The following ZNF560 variants were observed in gnomAD, a reference collection of about 807,000 sequenced individuals.
ZNF560 encodes the protein zinc finger protein 560.
A neutral mutation model predicts 81.8 loss-of-function variants in ZNF560; 54 were observed. The ratio of observed to expected loss-of-function variants is 0.66; its 90% CI spans 0.53 to 0.83. The LOEUF (loss-of-function observed/expected upper bound fraction) is 0.83, where lower values mean the gene tolerates loss of function less well. Among genes scored for constraint, ZNF560 ranks in the 40% least tolerant of loss-of-function variants. The pLI is 0.00. For synonymous variants in ZNF560, 321 were observed against 317.9 expected (o/e 1.01, Z -0.10); for missense variants, 940 against 932.4 (o/e 1.01, Z -0.11).
intron 9 of ZNF560, among the ~76,000 whole-genome samples, chr19:9,468,742 T>C (rs2144687230): frequency 6.6e-6 from 1 of 151,474 alleles, no homozygotes; most frequent in South Asian, 2.1e-4. Context: ...TTTTTTTTTT[T>C]TTTGAGATGG....
intron 2 of ZNF560, among the ~76,000 whole-genome samples, chr19:9,482,263 A>G (rs1478087429): frequency 1.3e-5 from 2 of 150,082 alleles, no homozygotes; most frequent in African/African-American, 4.9e-5. Context: ...ATCACACACC[A>G]GGGCCTGTTG....
rs908511753 is a variant in ZNF560, at chr19:9,468,968, T to C, written c.612+137A>G. 8 of 638,818 alleles carry C rather than the reference T, an allele frequency of 1.3e-5. No homozygotes were observed. The Admixed American group carries it at 2.4e-4, about 19-fold the overall frequency. The allele number at this position is 638,818 out of a possible 1,614,324, so 39.6% of individuals were successfully genotyped here. A position where few individuals can be genotyped will look rare whatever the true frequency, so the allele number is the denominator to read the frequency against. ...TGGTCTCGAACTCCTGACCTCATGA[T>C]CCGCCTGCCTCAGCCTCCCAAAGTG... On this transcript the variant is annotated intron_variant, in intron 9 of 9. Coordinates refer to ENST00000301480, the MANE Select transcript of ZNF560 (RefSeq NM_152476.3).
rs373668830 is a variant in ZNF560, at chr19:9,468,954, T to C, written c.612+151A>G. 125 of 597,538 alleles carry C rather than the reference T, an allele frequency of 2.1e-4. No individual in the cohort carries two copies. The East Asian group carries it at 3.0e-3, about 14-fold the overall frequency. 37.0% of individuals were successfully genotyped at this position (597,538 alleles called of 1,614,324 possible). A position where few individuals can be genotyped will look rare whatever the true frequency, so the allele number is the denominator to read the frequency against. On this transcript the variant is annotated intron_variant, in intron 9 of 9. Transcript: ENST00000301480. Reference sequence around the variant, plus strand: ...CATATTGGCCAGGCTGGTCTCGAACTCCTGACCTCATGATCCGCCTGCCTC... The same window carrying C: ...CATATTGGCCAGGCTGGTCTCGAACCCCTGACCTCATGATCCGCCTGCCTC...
downstream of ZNF560, among the ~76,000 whole-genome samples, chr19:9,465,495 G>A (rs1218783681): frequency 6.6e-6 from 1 of 152,146 alleles, no homozygotes; most frequent in African/African-American, 2.4e-5. Flanking sequence ...ACAGTGTATT[G>A]TCAGCAGATT....
chr19:9,476,950 A>C (rs1388631732), intron 2 of ZNF560, among the ~76,000 whole-genome samples: 1 of 152,164 alleles, frequency 6.6e-6, no homozygotes, highest in Non-Finnish European at 1.5e-5. Context: ...GTAGCTTATA[A>C]ATCTAAGTGG....
Position 9,467,823 on chromosome 19 carries a change from G to A in ZNF560, c.1124C>T (p.Pro375Leu), listed in dbSNP as rs776077331. Residue 375 changes from proline to leucine, a missense_variant, in exon 10 of 10, where the codon CCT (proline) becomes CTT (leucine). By Grantham distance (98) the Pro-to-Leu change is moderately conservative. Coordinates refer to ENST00000301480, the MANE Select transcript of ZNF560 (RefSeq NM_152476.3). ...NHMQTHIGIK[P>L]YKCKHCGKTF... ...TTTGCCACAGTGCTTACATTTATAA[G>A]GTTTTATCCCAATGTGGGTTTGCAT... The A allele has an allele frequency of 1.2e-6, 2 of 1,614,168 alleles. No individual in the cohort carries two copies.
chr19:9,462,079 G>A (rs140218955), downstream of ZNF560, among the ~76,000 whole-genome samples: 4 of 152,314 alleles, frequency 2.6e-5, no homozygotes, highest in East Asian at 1.9e-4. Flanking sequence ...TGATAAAGCC[G>A]CCTTTGCTTT....
At chr19:9,478,887 A>C (rs1162225524) in intron 2 of ZNF560, among the ~76,000 whole-genome samples, 1 of 152,194 alleles carries the variant, frequency 6.6e-6, no homozygotes, top group African/African-American at 2.4e-5. Context: ...TTAACGAGCC[A>C]GGTGCAGTGC....
chr19:9,488,735 C>A (rs1458015037), intron 2 of ZNF560, among the ~76,000 whole-genome samples: 1 of 152,128 alleles, frequency 6.6e-6, no homozygotes, highest in Non-Finnish European at 1.5e-5. Flanking sequence ...GGCCCAAATT[C>A]ATTGATATGG....
chr19:9,455,629 C>G, the ZNF560 span, among the ~76,000 whole-genome samples: 1 of 152,166 alleles, frequency 6.6e-6, no homozygotes, highest in African/African-American at 2.4e-5. Context: ...GATTTTATAG[C>G]TTGGTTACAG....
chr19:9,449,850 TC>T, the ZNF560 span, among the ~76,000 whole-genome samples: 2 of 151,898 alleles, frequency 1.3e-5, no homozygotes, highest in African/African-American at 2.4e-5. Flanking sequence ...GTGCCTGTAA[TC>T]CCAGTTACTT....
chr19:9,483,033 C>A lies in ZNF560; in HGVS notation c.-56-7664G>T, dbSNP rs192979710. Among the ~76,000 whole-genome samples the A allele has an allele frequency of 6.2e-3, 940 of 152,252 alleles. 30 individuals are homozygous for A. The highest frequency in any genetic ancestry group is 0.047 in the Admixed American group (713 of 15,286). ...CGCTACAACCTCCACCTCCCAGCCG[C>A]CTGCCTTGGCCTCCCAAAGTGCCGA... On this transcript the variant is annotated intron_variant, in intron 2 of 9. Transcript: ENST00000301480.
intron 5 of ZNF560, among the ~76,000 whole-genome samples, chr19:9,472,804 C>T (rs2073142972): frequency 6.6e-6 from 1 of 152,108 alleles, no homozygotes; most frequent in African/African-American, 2.4e-5. Context: ...GAAACAATAT[C>T]CCTGAGACCT....
the ZNF560 span, among the ~76,000 whole-genome samples, chr19:9,503,801 G>T: frequency 6.6e-6 from 1 of 152,140 alleles, no homozygotes; most frequent in South Asian, 2.1e-4. Flanking sequence ...GCCTCCCAAC[G>T]TGCTAGAATT....
In ZNF560 at chr19:9,469,620, A is replaced by C. The variant is rs759302712; in HGVS notation, c.529+10T>G. 2.5e-6 allele frequency: 4 copies of C among 1,613,508 alleles called. No homozygotes were observed. In the South Asian group the frequency reaches 4.4e-5, roughly 18 times the overall value. On this transcript the variant is annotated intron_variant, in intron 8 of 9. Transcript: ENST00000301480. ...CTCATGGACCAGGGTTGTTCTTCAC[A>C]AACACTCACCTTGGAGAACTCTTGG...
downstream of ZNF560, among the ~76,000 whole-genome samples, chr19:9,461,985 G>C (rs185802569): frequency 7.2e-5 from 11 of 152,340 alleles, no homozygotes; most frequent in Admixed American, 7.2e-4. Context: ...TGATTTCTAT[G>C]ATGGTTGTGC....
rs2144696068 is a variant in ZNF560, at chr19:9,474,413, TA to T, written c.31-89del. On this transcript the variant is annotated intron_variant, in intron 3 of 9. Transcript: ENST00000301480. ...ATCAGTTAACAGACCCCAATGCCTA[TA>T]AAGAGTTGTGAGGTCTCTCATTATC... The T allele has an allele frequency of 4.1e-6, 6 of 1,454,698 alleles. No individual in the cohort carries two copies. In the South Asian group the frequency reaches 6.7e-5, roughly 16 times the overall value. 90.1% of individuals were successfully genotyped at this position (1,454,698 alleles called of 1,614,324 possible).
At chr19:9,468,537 C>T (rs1214816951) in intron 9 of ZNF560, among the ~76,000 whole-genome samples, 2 of 152,082 alleles carry the variant, frequency 1.3e-5, no homozygotes, top group African/African-American at 4.8e-5. Context: ...TGGCAAGATT[C>T]CTGTAGCTTT....
At chr19:9,468,435 T>C (rs1288160147) in intron 9 of ZNF560, 101 bp from the exon 10 acceptor site, 1 of 869,662 alleles carries the variant, frequency 1.1e-6, no homozygotes, top group African/African-American at 1.7e-5. Context: ...TTGCCACTTT[T>C]ATAACATGCA....
Sources: gnomAD v4.1 joint callset for allele counts (sites outside exome capture counted in the v4.1 genomes callset) on GRCh38, gnomAD v4.1.1 for gene constraint, MANE v1.5 for transcripts, NCBI Gene and HGNC (gene_info 2026-07-23, HGNC 2026-07-21) for gene names.